The following PCOLCE2 variants were observed in gnomAD, a reference collection of about 807,000 sequenced individuals.
The protein encoded by PCOLCE2 is procollagen C-endopeptidase enhancer 2.
Under a neutral mutation model 47.0 loss-of-function variants are expected in PCOLCE2, and 42 were observed. The ratio of observed to expected loss-of-function variants is 0.89; its 90% CI spans 0.70 to 1.16. PCOLCE2 has a LOEUF of 1.16. Ranked by LOEUF, PCOLCE2 falls within the 50% of genes most tolerant of loss-of-function variation. The probability of loss-of-function intolerance (pLI) is 0.00; values close to 1 mark genes in which losing one functional copy is unlikely to be tolerated. For synonymous variants in PCOLCE2, 169 were observed against 191.7 expected, an observed-to-expected ratio of 0.88 and a Z score of 0.98; for missense variants, 500 against 526.1, an observed-to-expected ratio of 0.95 and a Z score of 0.49.
rs1361419125 is a variant in PCOLCE2, at chr3:142,873,301, G to GA, written c.192+14367dup. Among the ~76,000 whole-genome samples, 15 of 149,168 alleles carry GA rather than the reference G, an allele frequency of 1.0e-4. No individual in the cohort carries two copies. In the South Asian group the frequency reaches 3.0e-3, roughly 29 times the overall value. ...CCAGCTATTCAGGAGGCTGAGGCAG[G>GA]AAAATCACTTGAACCCGGGAGGCAG... On this transcript the variant is annotated intron_variant, in intron 2 of 8. Transcript: ENST00000295992.
intron 2 of PCOLCE2, among the ~76,000 whole-genome samples, chr3:142,865,953 T>G (rs965023025): frequency 1.3e-5 from 2 of 152,204 alleles, no homozygotes; most frequent in African/African-American, 4.8e-5. Flanking sequence ...ATAGTCCGGA[T>G]AGGCAAACAG....
chr3:142,857,155 G>A (rs894545151), intron 2 of PCOLCE2, among the ~76,000 whole-genome samples: 5 of 152,138 alleles, frequency 3.3e-5, no homozygotes, highest in Admixed American at 1.3e-4. Context: ...CTGGTGCTTC[G>A]GGTGCCTTAC....
chr3:142,879,702 G>A (rs1578051615), intron 2 of PCOLCE2, among the ~76,000 whole-genome samples: 1 of 152,346 alleles, frequency 6.6e-6, no homozygotes, highest in East Asian at 1.9e-4. Flanking sequence ...GGGCACGGTG[G>A]CTCACGCCTA....
chr3:142,818,106 A>G lies in PCOLCE2; in HGVS notation c.*229T>C. ...ACTTTTAGCTTCCTATCACCGCACT[A>G]AGTCGGCAGGTTTCCAATCAGATAG... On this transcript the variant is annotated 3_prime_UTR_variant, in exon 9 of 9. Transcript: ENST00000295992. 1 of 415,154 alleles carries G rather than the reference A, an allele frequency of 2.4e-6. No individual in the cohort carries two copies. Among genetic ancestry groups the G allele is most frequent in the Non-Finnish European group, 4.3e-6 (1 of 230,160 alleles). 25.7% of individuals were successfully genotyped at this position (415,154 alleles called of 1,614,324 possible).
At chr3:142,850,012 C>A (rs1024909532) in intron 2 of PCOLCE2, among the ~76,000 whole-genome samples, 1 of 152,078 alleles carries the variant, frequency 6.6e-6, no homozygotes, top group African/African-American at 2.4e-5. Context: ...TTGGATTTGC[C>A]ATCGTTGCAT....
intron 2 of PCOLCE2, among the ~76,000 whole-genome samples, chr3:142,872,466 C>T (rs544691858): frequency 7.5e-4 from 114 of 152,252 alleles, no homozygotes; most frequent in African/African-American, 2.6e-3. Context: ...CTCTTTGCTG[C>T]TCCTAGAACA....
chr3:142,852,211 T>C (rs1310280241), intron 2 of PCOLCE2, among the ~76,000 whole-genome samples: 1 of 152,212 alleles, frequency 6.6e-6, no homozygotes, highest in Non-Finnish European at 1.5e-5. Context: ...GCCTTTTCAG[T>C]ATGACACAAC....
At chr3:142,838,462 T>C (rs1201450738) in intron 5 of PCOLCE2, among the ~76,000 whole-genome samples, 1 of 152,132 alleles carries the variant, frequency 6.6e-6, no homozygotes, top group East Asian at 1.9e-4. Flanking sequence ...ACTCTGGCCA[T>C]GTGATGTGTG....
At chr3:142,871,874 A>G (rs1933395720) in intron 2 of PCOLCE2, among the ~76,000 whole-genome samples, 1 of 152,166 alleles carries the variant, frequency 6.6e-6, no homozygotes, top group Non-Finnish European at 1.5e-5. Flanking sequence ...ATATACATAA[A>G]CATTTATATA....
At position 142,838,872 on chromosome 3, in the gene PCOLCE2, T is replaced by G. The variant is rs772997483; in HGVS notation, c.608A>C (p.Glu203Ala). Residue 203 changes from glutamate (E) to alanine (A), a missense_variant, in exon 5 of 9, where the codon GAG (glutamate) becomes GCG (alanine). Coordinates refer to ENST00000295992, the MANE Select transcript of PCOLCE2 (RefSeq NM_013363.4). ...ATCATATCGGCAGTAGTTATCTCGC[T>G]CCACATCAAACTTCTCAAACTTTAA... is the stretch of plus-strand genomic sequence containing the variant. ...IELKFEKFDV[E>A]RDNYCRYDYV... 7 of 1,613,080 alleles carry G rather than the reference T, an allele frequency of 4.3e-6. No homozygotes were observed. The East Asian group carries it at 1.6e-4, about 36-fold the overall frequency.
chr3:142,829,848 TA>T lies in PCOLCE2; in HGVS notation c.711-3del. 10 of 1,533,096 alleles carry T rather than the reference TA, an allele frequency of 6.5e-6. No homozygotes were observed. The highest frequency in any genetic ancestry group is 3.8e-5 in the South Asian group (3 of 79,846). 95.0% of individuals were successfully genotyped at this position (1,533,096 alleles called of 1,614,324 possible). A position where few individuals can be genotyped will look rare whatever the true frequency, so the allele number is the denominator to read the frequency against. ...TCATTTCTCTCAGACACAATTGGCCTAAAAAAAGAAAAATGTGTTTTTTTAT... is the reference window on the plus strand; with the variant it reads ...TCATTTCTCTCAGACACAATTGGCCTAAAAAAGAAAAATGTGTTTTTTTAT... On this transcript the variant is annotated splice_region_variant and splice_polypyrimidine_tract_variant and intron_variant, in intron 5 of 8. Transcript: ENST00000295992.
intron 2 of PCOLCE2, among the ~76,000 whole-genome samples, chr3:142,850,286 T>A (rs1457774133): frequency 6.6e-6 from 1 of 152,156 alleles, no homozygotes; most frequent in Non-Finnish European, 1.5e-5. Context: ...ACCGAAAAAG[T>A]CCTAGCCATG....
At chr3:142,881,495 C>T (rs1321291211) in intron 2 of PCOLCE2, among the ~76,000 whole-genome samples, 1 of 152,118 alleles carries the variant, frequency 6.6e-6, no homozygotes, top group East Asian at 1.9e-4. Flanking sequence ...AAAAATGCAT[C>T]ATTAGGTGAC....
In PCOLCE2 at chr3:142,846,060, T is replaced by G. The variant is rs183600585; in HGVS notation, c.448+2157A>C. On this transcript the variant is annotated intron_variant, in intron 3 of 8. Coordinates refer to ENST00000295992, the MANE Select transcript of PCOLCE2 (RefSeq NM_013363.4). Reference sequence around the variant, plus strand: ...TCATTCTTATCACTCTTCTTCTGTATGGAATTTAGTTTCATCTGATTGATT... The same window carrying G: ...TCATTCTTATCACTCTTCTTCTGTAGGGAATTTAGTTTCATCTGATTGATT... 1.3e-3 allele frequency among the ~76,000 whole-genome samples: 192 copies of G among 152,372 alleles called. 1 individual carries two copies. The highest frequency in any genetic ancestry group is 4.5e-3 in the African/African-American group (186 of 41,596).
chr3:142,833,513 A>G (rs1417008215), intron 5 of PCOLCE2, among the ~76,000 whole-genome samples: 3 of 149,560 alleles, frequency 2.0e-5, no homozygotes, highest in Non-Finnish European at 3.0e-5. Context: ...CCTCAACATT[A>G]TAACTATGAG....
intron 2 of PCOLCE2, among the ~76,000 whole-genome samples, chr3:142,885,382 A>G (rs1422459870): frequency 6.6e-6 from 1 of 152,220 alleles, no homozygotes; most frequent in Non-Finnish European, 1.5e-5. Context: ...TTTTAATAAA[A>G]GTGATACTGA....
chr3:142,826,729 C>G (rs114736175), intron 6 of PCOLCE2, among the ~76,000 whole-genome samples: 1 of 152,160 alleles, frequency 6.6e-6, no homozygotes, highest in African/African-American at 2.4e-5. Flanking sequence ...ATTGTGCTGG[C>G]GTCTCCAGTA....
Position 142,818,198 on chromosome 3 carries a change from T to G in PCOLCE2, c.*137A>C. ...TCGGAGGCCTCATACCTCCATCATG[T>G]GAAGAGTCAACCAGTCCCATCTTTC... is the stretch of plus-strand genomic sequence containing the variant. On this transcript the variant is annotated 3_prime_UTR_variant, in exon 9 of 9. Transcript: ENST00000295992. 1 of 780,492 alleles carries G rather than the reference T, an allele frequency of 1.3e-6. No homozygotes were observed. Among genetic ancestry groups the G allele is most frequent in the South Asian group, 1.9e-5 (1 of 53,728 alleles). The allele number at this position is 780,492 out of a possible 1,614,324, so 48.3% of individuals were successfully genotyped here.
chr3:142,839,270 T>C (rs1198918692), intron 4 of PCOLCE2, among the ~76,000 whole-genome samples: 1 of 152,206 alleles, frequency 6.6e-6, no homozygotes, highest in Non-Finnish European at 1.5e-5. Flanking sequence ...ATGGTAACTA[T>C]AGTTAATAAT....
Sources: gnomAD v4.1 joint callset for allele counts (sites outside exome capture counted in the v4.1 genomes callset) on GRCh38, gnomAD v4.1.1 for gene constraint, MANE v1.5 for transcripts, NCBI Gene and HGNC (gene_info 2026-07-23, HGNC 2026-07-21) for gene names.